Variants in CLIC4 observed in about 807,000 individuals in gnomAD.
CLIC4 encodes chloride intracellular channel protein 4.
In CLIC4, 13 loss-of-function variants were observed where a neutral mutation model predicts 24.6. That is an observed-to-expected ratio of 0.53 (90% CI 0.34 to 0.84). The LOEUF is 0.84. CLIC4 is among the 40% of genes least tolerant of loss of function. CLIC4 has a pLI of 0.01. For missense variants in CLIC4, 227 were observed against 301.7 expected (o/e 0.75, Z 1.83); for synonymous variants, 104 against 111.3 (o/e 0.93, Z 0.41).
chr1:24,795,633 C>T lies in CLIC4; in HGVS notation c.73-2109C>T, dbSNP rs192310054. 3.0e-3 allele frequency among the ~76,000 whole-genome samples: 455 copies of T among 152,294 alleles called. 1 individual carries two copies. Among genetic ancestry groups the T allele is most frequent in the African/African-American group, 9.8e-3 (409 of 41,566 alleles). ...TCGCCCAGGCTGGAGTGCAGTGGCA[C>T]GATCTCGGCTCACCGCAACCTCCAC... On this transcript the variant is annotated intron_variant, in intron 1 of 5. Transcript: ENST00000374379.
chr1:24,837,949 A>G (rs920624138), intron 4 of CLIC4, among the ~76,000 whole-genome samples: 8 of 152,028 alleles, frequency 5.3e-5, no homozygotes, highest in Non-Finnish European at 8.8e-5. Flanking sequence ...GTGTTCATTT[A>G]TGTTCTCATA....
intron 1 of CLIC4, among the ~76,000 whole-genome samples, chr1:24,749,924 A>G (rs952084364): frequency 2.0e-5 from 3 of 152,118 alleles, no homozygotes; most frequent in African/African-American, 7.2e-5. Flanking sequence ...GCAAAACCCC[A>G]TCTCTACAAA....
intron 1 of CLIC4, among the ~76,000 whole-genome samples, chr1:24,793,387 A>G (rs1330591850): frequency 1.3e-5 from 2 of 152,076 alleles, no homozygotes; most frequent in Non-Finnish European, 2.9e-5. Context: ...TATCATCCTA[A>G]CCTTCCCACA....
At chr1:24,769,715 T>A (rs1469026206) in intron 1 of CLIC4, among the ~76,000 whole-genome samples, 1 of 152,226 alleles carries the variant, frequency 6.6e-6, no homozygotes, top group Non-Finnish European at 1.5e-5. Flanking sequence ...TGACTTTGGT[T>A]GCTTTCAGTT....
intron 4 of CLIC4, among the ~76,000 whole-genome samples, chr1:24,838,719 A>G (rs1241630800): frequency 6.6e-6 from 1 of 152,194 alleles, no homozygotes; most frequent in Non-Finnish European, 1.5e-5. Flanking sequence ...AAAGGATAAT[A>G]GAAGATCTGT....
intron 3 of CLIC4, among the ~76,000 whole-genome samples, chr1:24,816,976 T>A (rs922655180): frequency 2.6e-5 from 4 of 152,194 alleles, no homozygotes; most frequent in African/African-American, 9.7e-5. Flanking sequence ...GAATGGAAGA[T>A]GAGCATGGGT....
At chr1:24,838,822 C>T (rs1402607570) in intron 4 of CLIC4, among the ~76,000 whole-genome samples, 1 of 152,038 alleles carries the variant, frequency 6.6e-6, no homozygotes, top group Non-Finnish European at 1.5e-5. Flanking sequence ...GGTGCTCTGT[C>T]CCACTTTAAT....
intron 1 of CLIC4, among the ~76,000 whole-genome samples, chr1:24,757,257 T>C (rs1029310724): frequency 3.3e-5 from 5 of 152,144 alleles, no homozygotes; most frequent in African/African-American, 1.2e-4. Context: ...TCTTGAACTC[T>C]TGACCTTAGG....
At chr1:24,811,010 T>C (rs1639608319) in intron 2 of CLIC4, among the ~76,000 whole-genome samples, 1 of 150,728 alleles carries the variant, frequency 6.6e-6, no homozygotes, top group African/African-American at 2.4e-5. Flanking sequence ...ACTTGGGAGA[T>C]GGAGCTTGTA....
intron 1 of CLIC4, among the ~76,000 whole-genome samples, chr1:24,792,236 G>GC (rs1046569267): frequency 1.2e-4 from 18 of 151,638 alleles, no homozygotes; most frequent in African/African-American, 4.4e-4. Flanking sequence ...TGTTACCCAG[G>GC]CTGGAATGTA....
intron 2 of CLIC4, among the ~76,000 whole-genome samples, chr1:24,799,120 G>C (rs1460612322): frequency 6.6e-6 from 1 of 151,660 alleles, no homozygotes; most frequent in Non-Finnish European, 1.5e-5. Flanking sequence ...TCTGGGATGT[G>C]AGGAGCCCCT....
intron 2 of CLIC4, among the ~76,000 whole-genome samples, chr1:24,804,732 A>G (rs1415879299): frequency 6.6e-6 from 1 of 152,114 alleles, no homozygotes; most frequent in Non-Finnish European, 1.5e-5. Flanking sequence ...TAGAATTATT[A>G]GTGAATGTTT....
chr1:24,796,956 A>T (rs1314629330), intron 1 of CLIC4, among the ~76,000 whole-genome samples: 7 of 148,292 alleles, frequency 4.7e-5, no homozygotes, highest in African/African-American at 7.4e-5. Context: ...TTATTTATTT[A>T]TTTATTTTTT....
Position 24,814,099 on chromosome 1 carries a change from C to T in CLIC4, c.188C>T (p.Pro63Leu), listed in dbSNP as rs752600675. The part of the protein sequence containing the change: ...SVTTVDLKRK[P>L]ADLQNLAPGT... ...ACCAATATTTTGCCCAACAGGAAGC[C>T]AGCAGACCTGCAGAACTTGGCTCCC... Residue 63 changes from proline (P) to leucine (L), a missense_variant, in exon 3 of 6, where the codon CCA becomes CTA. Physicochemically the swap from Pro to Leu is moderately conservative, Grantham distance 98. Transcript: ENST00000374379. The T allele has an allele frequency of 3.7e-6, 6 of 1,613,534 alleles. No homozygotes were observed. The highest frequency in any genetic ancestry group is 2.2e-5 in the South Asian group (2 of 91,038).
At chr1:24,819,479 C>G (rs187689250) in intron 3 of CLIC4, among the ~76,000 whole-genome samples, 4 of 151,400 alleles carry the variant, frequency 2.6e-5, no homozygotes, top group Non-Finnish European at 4.4e-5. Context: ...CTTTTGTTGC[C>G]CAGGCTGGAG....
intron 1 of CLIC4, among the ~76,000 whole-genome samples, chr1:24,784,481 C>T (rs372669990): frequency 1.3e-5 from 2 of 152,232 alleles, no homozygotes; most frequent in South Asian, 4.1e-4. Flanking sequence ...TTGTTTTGGA[C>T]GAGCAGAGAG....
rs905183666 is a variant in CLIC4 at position 24,758,713 on chromosome 1, C to T, written c.72+13088C>T. Reference sequence around the variant, plus strand: ...CCTCTGGTGATCTGCCCGCCTTGGCCTTCCAAAAGTTCTGGGATTACAGGC... The same window carrying T: ...CCTCTGGTGATCTGCCCGCCTTGGCTTTCCAAAAGTTCTGGGATTACAGGC... On this transcript the variant is annotated intron_variant, in intron 1 of 5. Transcript: ENST00000374379. 2.6e-5 allele frequency among the ~76,000 whole-genome samples: 4 copies of T among 152,220 alleles called. No individual in the cohort carries two copies. In the South Asian group the frequency reaches 8.3e-4, roughly 32 times the overall value.
Position 24,842,121 on chromosome 1 carries a change from T to C in CLIC4, c.*1184T>C, listed in dbSNP as rs1236592093. 6.6e-6 allele frequency: 1 copy of C among 152,352 alleles called. No homozygotes were observed. Among genetic ancestry groups the C allele is most frequent in the East Asian group, 1.9e-4 (1 of 5,204 alleles). 9.4% of individuals were successfully genotyped at this position (152,352 alleles called of 1,614,324 possible). A position where few individuals can be genotyped will look rare whatever the true frequency, so the allele number is the denominator to read the frequency against. ...ATAGTTATGGTGAGTGTGTATTTAC[T>C]GTAGTTTTGCCTGATCTCACTCATT... On this transcript the variant is annotated 3_prime_UTR_variant, in exon 6 of 6. Coordinates refer to ENST00000374379, the MANE Select transcript of CLIC4 (RefSeq NM_013943.3).
intron 1 of CLIC4, among the ~76,000 whole-genome samples, chr1:24,791,712 A>T (rs935191466): frequency 1.3e-5 from 2 of 152,108 alleles, no homozygotes; most frequent in Non-Finnish European, 2.9e-5. Flanking sequence ...ACTGTCTCTA[A>T]TAAAAATACA....
Sources: allele counts gnomAD v4.1 joint callset (sites outside exome capture counted in the v4.1 genomes callset), GRCh38; gene constraint gnomAD v4.1.1; transcripts MANE v1.5; gene names NCBI Gene and HGNC (gene_info 2026-07-23, HGNC 2026-07-21).